The following IL1RAPL2 variants were observed in gnomAD, a reference collection of about 807,000 sequenced individuals.
IL1RAPL2 encodes X-linked interleukin-1 receptor accessory protein-like 2.
Under a neutral mutation model 44.1 loss-of-function variants are expected in IL1RAPL2, and 3 were observed. That is an observed-to-expected ratio of 0.07 (90% CI 0.03 to 0.18). The LOEUF is 0.18. IL1RAPL2 is among the 10% of genes least tolerant of loss of function. IL1RAPL2 has a pLI of 1.00. For synonymous variants in IL1RAPL2, 181 were observed against 178.8 expected (o/e 1.01, Z -0.10); for missense variants, 391 against 496.4 (o/e 0.79, Z 2.02).
intron 2 of IL1RAPL2, among the ~76,000 whole-genome samples, chrX:105,062,028 T>C (rs942778864): frequency 8.9e-6 from 1 of 111,800 alleles, no homozygotes; most frequent in Non-Finnish European, 1.9e-5. Flanking sequence ...ACAATCAATG[T>C]TGTTATTGAT....
chrX:105,387,410 T>C (rs1187986702), intron 5 of IL1RAPL2, among the ~76,000 whole-genome samples: 1 of 109,942 alleles, frequency 9.1e-6, no homozygotes, highest in African/African-American at 3.3e-5. Context: ...AATTTTTGTA[T>C]TTTTAGTAGA....
intron 2 of IL1RAPL2, among the ~76,000 whole-genome samples, chrX:105,098,373 C>T (rs182303204): frequency 8.9e-6 from 1 of 111,934 alleles, no homozygotes; most frequent in East Asian, 2.8e-4. Flanking sequence ...CCCACTTGAT[C>T]CTACTACTGG....
chrX:105,438,013 A>C (rs2035893629), intron 5 of IL1RAPL2, among the ~76,000 whole-genome samples: 1 of 111,953 alleles, frequency 8.9e-6, no homozygotes. Context: ...CCTAATAAAG[A>C]GCATAACTCA....
chrX:104,947,749 G>T (rs1215674288), intron 2 of IL1RAPL2, among the ~76,000 whole-genome samples: 4 of 111,662 alleles, frequency 3.6e-5, no homozygotes, highest in Non-Finnish European at 7.5e-5. Context: ...TTATTTCTCA[G>T]GGTTCTGTTC....
At chrX:104,950,776 G>T (rs1176432535) in intron 2 of IL1RAPL2, among the ~76,000 whole-genome samples, 2 of 109,607 alleles carry the variant, frequency 1.8e-5, no homozygotes, top group African/African-American at 6.6e-5. Flanking sequence ...GCACAATCTC[G>T]GCTCACTGCA....
At position 104,761,923 on chromosome X, in the gene IL1RAPL2, CCTTCTTCTTCTTCTTCTTCTTCTTCTT is replaced by C. The variant is rs759437149; in HGVS notation, c.82+102963_82+102989del. The stretch of plus-strand genomic sequence containing the variant: ...TCCTTCTCCTTCTCCTTCTCCTTCT[CCTTCTTCTTCTTCTTCTTCTTCTTCTT>C]CTTCTTCTTCTTCTTCTTCTTCTTC... On this transcript the variant is annotated intron_variant, in intron 2 of 10. Coordinates refer to ENST00000372582, the MANE Select transcript of IL1RAPL2 (RefSeq NM_017416.2). 1.9e-3 allele frequency among the ~76,000 whole-genome samples: 58 copies of C among 30,805 alleles called. 4 individuals carry two copies. The highest frequency in any genetic ancestry group is 6.8e-3 in the African/African-American group (38 of 5,605). The allele number at this position is 30,805 out of a possible 115,157, so 26.8% of individuals were successfully genotyped here. A position where few individuals can be genotyped will look rare whatever the true frequency, so the allele number is the denominator to read the frequency against.
In IL1RAPL2 at chrX:104,730,335, T is replaced by C. The variant is rs1412596091; in HGVS notation, c.82+71340T>C. Among the ~76,000 whole-genome samples, 49 of 96,199 alleles carry C rather than the reference T, an allele frequency of 5.1e-4. 1 individual carries two copies. The highest frequency in any genetic ancestry group is 5.2e-3 in the Middle Eastern group (1 of 193). 83.5% of individuals were successfully genotyped at this position (96,199 alleles called of 115,157 possible). A position where few individuals can be genotyped will look rare whatever the true frequency, so the allele number is the denominator to read the frequency against. On this transcript the variant is annotated intron_variant, in intron 2 of 10. Coordinates refer to ENST00000372582, the MANE Select transcript of IL1RAPL2 (RefSeq NM_017416.2). ...TGTGCTGCACCCATTAACTCGTCAT[T>C]TAGCATTAGGTGTATCTCCTAATGC... is the stretch of plus-strand genomic sequence containing the variant.
At chrX:105,583,297 G>T (rs754653612) in intron 6 of IL1RAPL2, among the ~76,000 whole-genome samples, 3 of 109,957 alleles carry the variant, frequency 2.7e-5, no homozygotes, top group Non-Finnish European at 5.7e-5. Context: ...ATCACTCCCG[G>T]CTAATTTTTT....
In IL1RAPL2 at chrX:105,264,798, G is replaced by C. The variant is rs762780195; in HGVS notation, c.544-2590G>C. Among the ~76,000 whole-genome samples the C allele has an allele frequency of 2.7e-5, 3 of 111,639 alleles. No individual in the cohort carries two copies. The East Asian group carries it at 8.5e-4, about 32-fold the overall frequency. The stretch of plus-strand genomic sequence containing the variant: ...GAGCCCCACATTTTAACCTAGAGAT[G>C]TCTTACCCTAAAGCCAGTTTGCCTT... On this transcript the variant is annotated intron_variant, in intron 4 of 10. Coordinates refer to ENST00000372582, the MANE Select transcript of IL1RAPL2 (RefSeq NM_017416.2).
chrX:105,453,198 T>C (rs1391881870), intron 5 of IL1RAPL2, among the ~76,000 whole-genome samples: 14 of 111,933 alleles, frequency 1.3e-4, no homozygotes, highest in Non-Finnish European at 2.1e-4. Flanking sequence ...AAAGGTCTTA[T>C]ACCTTCACAT....
chrX:104,593,170 T>C (rs750464662), intron 1 of IL1RAPL2, among the ~76,000 whole-genome samples: 73 of 111,889 alleles, frequency 6.5e-4, no homozygotes, highest in Admixed American at 1.1e-3. Context: ...ATGGTGACTA[T>C]ATACATCTTT....
chrX:105,557,637 T>G (rs1354921945), intron 6 of IL1RAPL2, among the ~76,000 whole-genome samples: 1 of 111,531 alleles, frequency 9.0e-6, no homozygotes, highest in Middle Eastern at 4.6e-3. Flanking sequence ...CCCTTCCTTA[T>G]TCCATCCTGG....
intron 2 of IL1RAPL2, among the ~76,000 whole-genome samples, chrX:105,032,048 T>C (rs765490605): frequency 8.9e-6 from 1 of 111,776 alleles, no homozygotes; most frequent in South Asian, 3.8e-4. Context: ...TGGTAGTTTG[T>C]ATTTCTGTGG....
At chrX:105,046,211 C>T (rs940505637) in intron 2 of IL1RAPL2, among the ~76,000 whole-genome samples, 1 of 111,445 alleles carries the variant, frequency 9.0e-6, no homozygotes, top group African/African-American at 3.3e-5. Flanking sequence ...TATTGCATGA[C>T]ATCCACATAT....
At chrX:105,717,192 T>C (rs2038264162) in intron 6 of IL1RAPL2, among the ~76,000 whole-genome samples, 175 bp from the exon 7 acceptor site, 1 of 112,302 alleles carries the variant, frequency 8.9e-6, no homozygotes, top group Non-Finnish European at 1.9e-5. Flanking sequence ...TAAGTTTTTT[T>C]CTAGAAGCCC....
At chrX:105,189,747 A>G (rs989996025) in intron 2 of IL1RAPL2, among the ~76,000 whole-genome samples, 3 of 111,739 alleles carry the variant, frequency 2.7e-5, no homozygotes, top group Non-Finnish European at 5.6e-5. Flanking sequence ...CCTTACGGCT[A>G]TTCTTCCCAC....
intron 2 of IL1RAPL2, among the ~76,000 whole-genome samples, chrX:104,760,869 G>A (rs1169816104): frequency 1.8e-5 from 2 of 111,421 alleles, no homozygotes; most frequent in African/African-American, 6.5e-5. Context: ...CAATGTCCTG[G>A]AGAGTTTTCC....
intron 2 of IL1RAPL2, among the ~76,000 whole-genome samples, chrX:105,031,035 C>A (rs1359621154): frequency 1.2e-4 from 13 of 110,061 alleles, no homozygotes; most frequent in African/African-American, 4.3e-4. Context: ...CATGATTTGG[C>A]TCTCTGTTTG....
intron 6 of IL1RAPL2, among the ~76,000 whole-genome samples, chrX:105,680,948 A>T (rs1048146142): frequency 8.9e-6 from 1 of 112,169 alleles, no homozygotes; most frequent in African/African-American, 3.2e-5. Flanking sequence ...AGGTTCAATA[A>T]AGAATGGATA....
Sources: allele counts gnomAD v4.1 joint callset (sites outside exome capture counted in the v4.1 genomes callset), GRCh38; gene constraint gnomAD v4.1.1; transcripts MANE v1.5; gene names NCBI Gene and HGNC (gene_info 2026-07-23, HGNC 2026-07-21).